IL5RA: variants seen among roughly 807,000 people sequenced by gnomAD.
IL5RA encodes interleukin-5 receptor subunit alpha.
Under a neutral mutation model 50.0 loss-of-function variants are expected in IL5RA, and 49 were observed. That is an observed-to-expected ratio of 0.98 (90% CI 0.78 to 1.24). The LOEUF (loss-of-function observed/expected upper bound fraction) is 1.24. Among genes scored for constraint, IL5RA ranks in the 50% most tolerant of loss-of-function variants. IL5RA has a pLI of 0.00. For missense variants in IL5RA, 600 were observed against 500.4 expected (o/e 1.20, Z -1.90); for synonymous variants, 202 against 174.0 (o/e 1.16, Z -1.26).
intron 10 of IL5RA, among the ~76,000 whole-genome samples, chr3:3,076,169 T>C (rs1249500828): frequency 6.6e-6 from 1 of 152,074 alleles, no homozygotes; most frequent in Non-Finnish European, 1.5e-5. Flanking sequence ...CCCTGAGCTG[T>C]GAAAAGCCTA....
intron 9 of IL5RA, among the ~76,000 whole-genome samples, chr3:3,079,040 A>AT (rs1391161374): frequency 1.3e-5 from 2 of 151,990 alleles, no homozygotes; most frequent in African/African-American, 2.4e-5. Flanking sequence ...CCTCAGCTTT[A>AT]TTGCCCATAT....
rs1703312078 is a variant in IL5RA, at chr3:3,095,405, T to G, written c.749A>C (p.Glu250Ala). 6.2e-7 allele frequency: 1 copy of G among 1,612,362 alleles called. No homozygotes were observed. Among genetic ancestry groups the G allele is most frequent in the African/African-American group, 1.3e-5 (1 of 74,898 alleles). Residue 250 changes from glutamate (E) to alanine (A), a missense_variant, in exon 8 of 12, where the codon GAA becomes GCA. Glu to Ala is a moderately radical substitution (Grantham distance 107). Transcript: ENST00000446632. ...NPPLNVTAEI[E>A]GTRLSIQWEK... ...CCATTGGATAGAGAGACGAGTTCCT[T>G]CAATCTCTGCTGTGACATTCAGTGG...
intron 8 of IL5RA, among the ~76,000 whole-genome samples, chr3:3,093,547 A>ACG (rs1170487320): frequency 6.6e-6 from 1 of 152,226 alleles, no homozygotes; most frequent in Admixed American, 6.5e-5. Context: ...ATAAAAACAC[A>ACG]CGCACACACA....
rs904041590 is a variant in IL5RA, at chr3:3,067,452, G to A, written c.*2773C>T. ...TCCTAGACACTGCAGATAAAAAGAC[G>A]TATTTCACACAAGCTCCATCCTCCT... On this transcript the variant is annotated 3_prime_UTR_variant, in exon 12 of 12. Coordinates refer to ENST00000446632, the MANE Select transcript of IL5RA (RefSeq NM_175726.4). 5.9e-5 allele frequency: 9 copies of A among 152,188 alleles called. No individual in the cohort carries two copies. Among genetic ancestry groups the A allele is most frequent in the African/African-American group, 1.7e-4 (7 of 41,410 alleles). The allele number at this position is 152,188 out of a possible 1,614,324, so 9.4% of individuals were successfully genotyped here.
At chr3:3,073,070 T>C (rs1319024453) in intron 11 of IL5RA, among the ~76,000 whole-genome samples, 1 of 152,160 alleles carries the variant, frequency 6.6e-6, no homozygotes, top group East Asian at 1.9e-4. Flanking sequence ...ATTCCCCTGA[T>C]AAAGGAGAAC....
chr3:3,084,074 G>A (rs1233414287), intron 9 of IL5RA, among the ~76,000 whole-genome samples: 1 of 149,114 alleles, frequency 6.7e-6, no homozygotes, highest in Non-Finnish European at 1.5e-5. Context: ...AAAAAAAAAG[G>A]TTTAGTCCTG....
At position 3,102,727 on chromosome 3, in the gene IL5RA, C is replaced by A; in HGVS notation, c.176G>T (p.Arg59Met). 6.2e-7 allele frequency: 1 copy of A among 1,609,608 alleles called. No homozygotes were observed. Among genetic ancestry groups the A allele is most frequent in the South Asian group, 1.1e-5 (1 of 90,586 alleles). The stretch of plus-strand genomic sequence containing the variant: ...CACTTGATATTCTAGATTAACATTC[C>A]TTTGCTCTTGATCAGGATTTGGTTT... ...QWKPNPDQEQ[R>M]NVNLEYQVKI... The change falls in exon 4 of 12, where the codon AGG becomes ATG. Residue 59 changes from arginine (R) to methionine (M), a missense_variant. Transcript: ENST00000446632.
Position 3,074,468 on chromosome 3 carries a change from C to T in IL5RA, c.1176+314G>A, listed in dbSNP as rs545977876. Among the ~76,000 whole-genome samples, 5 of 152,180 alleles carry T rather than the reference C, an allele frequency of 3.3e-5. No individual in the cohort carries two copies. In the South Asian group the frequency reaches 8.3e-4, roughly 25 times the overall value. On this transcript the variant is annotated intron_variant, in intron 11 of 11. Coordinates refer to ENST00000446632, the MANE Select transcript of IL5RA (RefSeq NM_175726.4). ...ATATGTCAGAAGAGTAATGAACGTG[C>T]ATAATAAAACAATCAGGCAAGCAGG...
chr3:3,071,022 T>G (rs1323216340), intron 11 of IL5RA, among the ~76,000 whole-genome samples: 1 of 152,244 alleles, frequency 6.6e-6, no homozygotes, highest in East Asian at 1.9e-4. Flanking sequence ...CCCCTAACTT[T>G]GGACAGTTCT....
rs1268509103 is a variant in IL5RA, at chr3:3,067,194, CTT to C, written c.*3029_*3030del. ...CAATTTATACATAACCATTTAGACA[CTT>C]TGGCAGCAAAAACATCCAGGTTGCA... On this transcript the variant is annotated 3_prime_UTR_variant, in exon 12 of 12. Coordinates refer to ENST00000446632, the MANE Select transcript of IL5RA (RefSeq NM_175726.4). 1.3e-5 allele frequency: 2 copies of C among 152,238 alleles called. No individual in the cohort carries two copies. The highest frequency in any genetic ancestry group is 2.9e-5 in the Non-Finnish European group (2 of 68,056). The allele number at this position is 152,238 out of a possible 1,614,324, so 9.4% of individuals were successfully genotyped here. A position where few individuals can be genotyped will look rare whatever the true frequency, so the allele number is the denominator to read the frequency against.
intron 10 of IL5RA, among the ~76,000 whole-genome samples, chr3:3,075,210 T>A (rs1702435675): frequency 7.0e-6 from 1 of 143,712 alleles, no homozygotes; most frequent in Admixed American, 7.0e-5. Context: ...TTACTTTTTT[T>A]TTTTTTTTTT....
At chr3:3,079,194 A>G (rs1702583919) in intron 9 of IL5RA, among the ~76,000 whole-genome samples, 1 of 152,142 alleles carries the variant, frequency 6.6e-6, no homozygotes, top group Non-Finnish European at 1.5e-5. Flanking sequence ...AATTTTATGA[A>G]GTCTTTTCCC....
At chr3:3,078,423 C>T (rs1318318837) in intron 9 of IL5RA, among the ~76,000 whole-genome samples, 1 of 152,222 alleles carries the variant, frequency 6.6e-6, no homozygotes, top group Non-Finnish European at 1.5e-5. Flanking sequence ...TTCTTCATCT[C>T]TTCCCTTCTG....
chr3:3,075,792 G>T (rs1353509356), intron 10 of IL5RA, among the ~76,000 whole-genome samples: 1 of 151,852 alleles, frequency 6.6e-6, no homozygotes, highest in Non-Finnish European at 1.5e-5. Flanking sequence ...AGTAGAGACG[G>T]GGTTTCACCA....
In IL5RA at chr3:3,070,067, AAG is replaced by A. The variant is rs1702246213; in HGVS notation, c.*156_*157del. On this transcript the variant is annotated 3_prime_UTR_variant, in exon 12 of 12. Transcript: ENST00000446632. ...ATTTGGATGAAGCATCCATACTTTT[AAG>A]AGATACAAGACTGGTGTGTCTGGGT... The A allele has an allele frequency of 1.5e-5, 9 of 595,972 alleles. 1 individual carries two copies. The South Asian group carries it at 1.9e-4, about 13-fold the overall frequency. The allele number at this position is 595,972 out of a possible 1,614,324, so 36.9% of individuals were successfully genotyped here.
At chr3:3,073,712 T>A (rs1051954508) in intron 11 of IL5RA, 3 of 428,088 alleles carry the variant, frequency 7.0e-6, no homozygotes, top group Non-Finnish European at 1.4e-5. Flanking sequence ...ACTTAGGATG[T>A]CACTTTTCCC....
At chr3:3,071,878 CT>C (rs1702311789) in intron 11 of IL5RA, among the ~76,000 whole-genome samples, 1 of 152,220 alleles carries the variant, frequency 6.6e-6, no homozygotes, top group South Asian at 2.1e-4. Context: ...GTATGAGCCA[CT>C]GTGACCGGCC....
At position 3,108,699 on chromosome 3, in the gene IL5RA, G is replaced by A. The variant is rs1367012141; in HGVS notation, c.-145-8C>T. On this transcript the variant is annotated splice_region_variant and splice_polypyrimidine_tract_variant and intron_variant, in intron 1 of 11. Coordinates refer to ENST00000446632, the MANE Select transcript of IL5RA (RefSeq NM_175726.4). ...TGCTCAATGTGCCTGGCCCTGTGTGGAATAGAAGCAAATTAGTGCACAGCC... is the reference window on the plus strand; with the variant it reads ...TGCTCAATGTGCCTGGCCCTGTGTGAAATAGAAGCAAATTAGTGCACAGCC... 6.6e-6 allele frequency: 1 copy of A among 152,176 alleles called. No individual in the cohort carries two copies. The highest frequency in any genetic ancestry group is 2.4e-5 in the African/African-American group (1 of 41,442). The allele number at this position is 152,176 out of a possible 1,614,324, so 9.4% of individuals were successfully genotyped here. A position where few individuals can be genotyped will look rare whatever the true frequency, so the allele number is the denominator to read the frequency against.
intron 2 of IL5RA, among the ~76,000 whole-genome samples, chr3:3,108,090 C>G (rs759875164): frequency 5.7e-4 from 87 of 152,228 alleles, no homozygotes; most frequent in Middle Eastern, 6.8e-3. Flanking sequence ...AGGATTCATG[C>G]TCTGGTAGGC....
Sources: allele counts gnomAD v4.1 joint callset (sites outside exome capture counted in the v4.1 genomes callset), GRCh38; gene constraint gnomAD v4.1.1; transcripts MANE v1.5; gene names NCBI Gene and HGNC (gene_info 2026-07-23, HGNC 2026-07-21).